The following CMYA5 variants were observed in gnomAD, a reference collection of about 807,000 sequenced individuals.
The protein encoded by CMYA5 is cardiomyopathy-associated protein 5.
Under a neutral mutation model 318.9 loss-of-function variants are expected in CMYA5, and 246 were observed. The observed-to-expected ratio is 0.77, with a 90% CI of 0.70 to 0.86. The LOEUF (loss-of-function observed/expected upper bound fraction) is 0.86. Among genes scored for constraint, CMYA5 ranks in the 40% least tolerant of loss-of-function variants. The probability of loss-of-function intolerance (pLI) is 0.00; values close to 1 mark genes in which losing one functional copy is unlikely to be tolerated. For synonymous variants in CMYA5, 1,641 were observed against 1,729.5 expected, an observed-to-expected ratio of 0.95 and a Z score of 1.27; for missense variants, 4,589 against 4,678.2, an observed-to-expected ratio of 0.98 and a Z score of 0.56.
rs397743406 is a variant in CMYA5 at position 79,757,211 on chromosome 5, A to AT, written c.11111-1542_11111-1541insT. On this transcript the variant is annotated intron_variant, in intron 6 of 12. Transcript: ENST00000446378. Reference sequence around the variant, plus strand: ...CTCCATCTCAAAAAAAAAAAAAAAAAGCATGCTATTTTTTCAACTATGGGA... The same window carrying AT: ...CTCCATCTCAAAAAAAAAAAAAAAAATGCATGCTATTTTTTCAACTATGGGA... Among the ~76,000 whole-genome samples the AT allele has an allele frequency of 4.0e-5, 6 of 151,604 alleles. No homozygotes were observed. In the East Asian group the frequency reaches 1.2e-3, roughly 29 times the overall value.
At chr5:79,790,365 G>A (rs1342525941) in intron 10 of CMYA5, among the ~76,000 whole-genome samples, 2 of 152,238 alleles carry the variant, frequency 1.3e-5, no homozygotes, top group East Asian at 1.9e-4. Flanking sequence ...TGCCTCTTGG[G>A]TTCAAGCTAC....
At chr5:79,690,081 CCAGGGCCTG>C in intron 1 of CMYA5, 25 bp downstream of exon 1, 1 of 1,406,034 alleles carries the variant, frequency 7.1e-7, no homozygotes, top group Non-Finnish European at 9.3e-7. Flanking sequence ...TCTCCTCGGC[CCAGGGCCTG>C]CAGGGCAGCT....
chr5:79,746,547 TAA>T (rs11423461), intron 4 of CMYA5, among the ~76,000 whole-genome samples: 162 of 68,894 alleles, frequency 2.4e-3, no homozygotes, highest in South Asian at 0.013. Flanking sequence ...GAGCAAACTG[TAA>T]AAAAAAAAAA....
rs1027167632 is a variant in CMYA5, at chr5:79,690,196, AGAACTT to A, written c.149+144_149+149del. 126 of 1,269,666 alleles carry A rather than the reference AGAACTT, an allele frequency of 9.9e-5. No individual in the cohort carries two copies. The African/African-American group carries it at 1.9e-3, about 19-fold the overall frequency. 78.7% of individuals were successfully genotyped at this position (1,269,666 alleles called of 1,614,324 possible). A position where few individuals can be genotyped will look rare whatever the true frequency, so the allele number is the denominator to read the frequency against. Reference sequence around the variant, plus strand: ...CTCTCTGGGTGCACTGTCGTTTAAAAGAACTTGAAGGTGAAGGTGCTCGCTGTCAGC... The same window carrying A: ...CTCTCTGGGTGCACTGTCGTTTAAAAGAAGGTGAAGGTGCTCGCTGTCAGC... On this transcript the variant is annotated intron_variant, in intron 1 of 12. Coordinates refer to ENST00000446378, the MANE Select transcript of CMYA5 (RefSeq NM_153610.5).
rs372433365 is a variant in CMYA5 at position 79,729,137 on chromosome 5, T to C, written c.372T>C (p.Ile124=). Residue 124 remains isoleucine (I), a synonymous_variant, in exon 2 of 13, where the codon ATT becomes ATC. Transcript: ENST00000446378. ...CTCCTCCTGGAAATGTTTCCTTTAT[T>C]GTGGATGAAGTGAAAAAGGTTCGGA... ...VNSPPGNVSF[I]VDEVKKVRKR... is the part of the protein sequence containing the mutation. 8.6e-5 allele frequency: 138 copies of C among 1,613,152 alleles called. No individual in the cohort carries two copies. The highest frequency in any genetic ancestry group is 8.9e-5 in the Non-Finnish European group (105 of 1,179,574).
intron 9 of CMYA5, among the ~76,000 whole-genome samples, chr5:79,767,249 C>A (rs540135746): frequency 6.6e-6 from 1 of 152,270 alleles, no homozygotes; most frequent in East Asian, 1.9e-4. Context: ...TTTCAAAAAA[C>A]CAGTTCCTGG....
At chr5:79,727,272 A>T (rs1827768958) in intron 1 of CMYA5, among the ~76,000 whole-genome samples, 1 of 152,146 alleles carries the variant, frequency 6.6e-6, no homozygotes, top group Non-Finnish European at 1.5e-5. Flanking sequence ...AAATCTAAAA[A>T]CATAGCAATG....
chr5:79,764,804 T>C (rs1313986553), intron 9 of CMYA5, among the ~76,000 whole-genome samples: 1 of 152,238 alleles, frequency 6.6e-6, no homozygotes, highest in East Asian at 1.9e-4. Flanking sequence ...TTGAGAAGTA[T>C]CTGTTCATAT....
At chr5:79,798,970 A>G (rs1829324221) in intron 12 of CMYA5, among the ~76,000 whole-genome samples, 1 of 152,236 alleles carries the variant, frequency 6.6e-6, no homozygotes, top group Non-Finnish European at 1.5e-5. Context: ...AATACATTGT[A>G]TGGAAGGCAA....
intron 1 of CMYA5, among the ~76,000 whole-genome samples, chr5:79,718,875 G>T (rs1348208861): frequency 6.6e-6 from 1 of 152,170 alleles, no homozygotes; most frequent in Non-Finnish European, 1.5e-5. Flanking sequence ...GTAACATGCT[G>T]TATAGGGTTG....
intron 2 of CMYA5, among the ~76,000 whole-genome samples, 165 bp downstream of exon 2, chr5:79,739,568 G>A (rs560642135): frequency 3.9e-5 from 6 of 152,172 alleles, no homozygotes; most frequent in African/African-American, 1.4e-4. Flanking sequence ...AGTTAAGGTA[G>A]GCTTGACAGA....
rs1827978673 is a variant in CMYA5 at position 79,733,747 on chromosome 5, T to C, written c.4982T>C (p.Ile1661Thr). The change falls in exon 2 of 13, where the codon ATA becomes ACA. Residue 1661 changes from isoleucine (I) to threonine (T), a missense_variant. Transcript: ENST00000446378. ...SIGTKQAKSP[I>T]TETEDSVLEK... Reference sequence around the variant, plus strand: ...GGTACAAAACAAGCAAAGTCTCCCATAACTGAAACAGAGGATTCTGTTTTA... The same window carrying C: ...GGTACAAAACAAGCAAAGTCTCCCACAACTGAAACAGAGGATTCTGTTTTA... 1 of 1,613,664 alleles carries C rather than the reference T, an allele frequency of 6.2e-7. No homozygotes were observed. Among genetic ancestry groups the C allele is most frequent in the African/African-American group, 1.3e-5 (1 of 74,974 alleles).
At chr5:79,719,607 C>T (rs559064212) in intron 1 of CMYA5, among the ~76,000 whole-genome samples, 1 of 152,298 alleles carries the variant, frequency 6.6e-6, no homozygotes, top group African/African-American at 2.4e-5. Flanking sequence ...ATTAAAGCTC[C>T]ATTCATAAAT....
At position 79,734,786 on chromosome 5, in the gene CMYA5, G is replaced by A. The variant is rs775173589; in HGVS notation, c.6021G>A (p.Gly2007=). Reference sequence around the variant, plus strand: ...ATGTAGAGAGAAACATAGCAGAGGGGAAGGAGATTCATTCTTTGATGGAGA... The same window carrying A: ...ATGTAGAGAGAAACATAGCAGAGGGAAAGGAGATTCATTCTTTGATGGAGA... The part of the protein sequence containing the change: ...AGNVERNIAE[G]KEIHSLMESE... The change falls in exon 2 of 13, where the codon GGG becomes GGA. Residue 2007 remains glycine (G), a synonymous_variant. Coordinates refer to ENST00000446378, the MANE Select transcript of CMYA5 (RefSeq NM_153610.5). The A allele has an allele frequency of 1.2e-6, 2 of 1,613,756 alleles. No individual in the cohort carries two copies. The highest frequency in any genetic ancestry group is 2.2e-5 in the South Asian group (2 of 91,072).
chr5:79,702,273 G>A (rs1020394127), intron 1 of CMYA5, among the ~76,000 whole-genome samples: 5 of 152,072 alleles, frequency 3.3e-5, no homozygotes, highest in African/African-American at 9.7e-5. Flanking sequence ...TATAGTTCTA[G>A]CTATTCTGGA....
chr5:79,791,074 G>T lies in CMYA5; in HGVS notation c.11789+5G>T. 6.2e-7 allele frequency: 1 copy of T among 1,607,984 alleles called. No individual in the cohort carries two copies. ...TGAGAGGAGACGGCTGACGGAGTAA[G>T]TAGAAGAAGAAAGCACAAGTGGGCT... is the stretch of plus-strand genomic sequence containing the variant. On this transcript the variant is annotated splice_donor_5th_base_variant and intron_variant, in intron 11 of 12. Coordinates refer to ENST00000446378, the MANE Select transcript of CMYA5 (RefSeq NM_153610.5).
At position 79,731,418 on chromosome 5, in the gene CMYA5, G is replaced by T; in HGVS notation, c.2653G>T (p.Glu885Ter). The part of the protein sequence containing the change: ...TPSEYVVLSD[E>*]EAVELERYTP... ...ATCTGAATATGTTGTTCTATCAGAC[G>T]AAGAGGCAGTCGAGTTGGAACGATA... Residue 885 changes from glutamate to a stop codon, truncating the protein, a stop_gained, in exon 2 of 13, where the codon GAA becomes TAA. Transcript: ENST00000446378. LOFTEE classifies it high-confidence loss of function. 6.2e-7 allele frequency: 1 copy of T among 1,613,544 alleles called. No homozygotes were observed. The highest frequency in any genetic ancestry group is 8.5e-7 in the Non-Finnish European group (1 of 1,179,758).
intron 7 of CMYA5, 94 bp downstream of exon 7, chr5:79,758,996 C>T: frequency 1.9e-6 from 2 of 1,067,672 alleles, no homozygotes; most frequent in Non-Finnish European, 2.5e-6. Flanking sequence ...ACTCTTCCCA[C>T]AAAGCATTTA....
chr5:79,761,955 C>T lies in CMYA5; in HGVS notation c.11405C>T (p.Thr3802Ile), dbSNP rs1402808527. The change falls in exon 8 of 13, where the codon ACA (threonine) becomes ATA (isoleucine). Residue 3802 changes from threonine to isoleucine, a missense_variant and splice_region_variant. By Grantham distance (89) the Thr-to-Ile change is moderately conservative (BLOSUM62 -1). Around this residue, in one of 3 missense-constraint regions of CMYA5, gnomAD observed 2,431 missense variants for 2,495.1 expected, o/e 0.97. Coordinates refer to ENST00000446378, the MANE Select transcript of CMYA5 (RefSeq NM_153610.5). ...SLPSERAIFR[T>I]APSTPVIRAE... ...CCCAGTGAAAGGGCCATCTTTAGGA[C>T]AGGTAAGGAGATGGATGCTAAGGGT... 14 of 1,612,164 alleles carry T rather than the reference C, an allele frequency of 8.7e-6. No individual in the cohort carries two copies. The highest frequency in any genetic ancestry group is 1.2e-5 in the Non-Finnish European group (14 of 1,179,272).
Sources: allele counts gnomAD v4.1 joint callset (sites outside exome capture counted in the v4.1 genomes callset), GRCh38; gene constraint gnomAD v4.1.1; regional missense constraint gnomAD v4.1.1; transcripts MANE v1.5; gene names NCBI Gene and HGNC (gene_info 2026-07-23, HGNC 2026-07-21).